The following DSG4 variants were observed in gnomAD, a reference collection of about 807,000 sequenced individuals.
The protein encoded by DSG4 is desmoglein-4.
DSG4 carries 87 observed loss-of-function variants against 93.1 expected under a neutral mutation model. That is an observed-to-expected ratio of 0.93 (90% CI 0.79 to 1.12). DSG4 has a LOEUF of 1.12. Ranked by LOEUF, DSG4 falls within the 50% of genes most tolerant of loss-of-function variation. The pLI, the probability that DSG4 is intolerant of heterozygous loss-of-function variation, is 0.00. For missense variants in DSG4, 1,373 were observed against 1,285.7 expected (o/e 1.07, Z -1.04); for synonymous variants, 432 against 452.9 (o/e 0.95, Z 0.59).
rs371706500 is a variant in DSG4 at position 31,391,298 on chromosome 18, G to A, written c.819+86G>A. On this transcript the variant is annotated intron_variant, in intron 7 of 15. Coordinates refer to ENST00000308128, the MANE Select transcript of DSG4 (RefSeq NM_177986.5). ...TCAATAATCAATCATGCTGGCTCAT[G>A]AGCCTGGTTCTGTCCTATGTGTGGA... is the stretch of plus-strand genomic sequence containing the variant. The A allele has an allele frequency of 2.1e-5, 33 of 1,584,232 alleles. No homozygotes were observed. In the African/African-American group the frequency reaches 2.2e-4, roughly 10 times the overall value.
chr18:31,403,320 G>A, intron 10 of DSG4, 96 bp from the exon 11 acceptor site: 1 of 1,057,262 alleles, frequency 9.5e-7, no homozygotes, highest in Non-Finnish European at 1.4e-6. Context: ...TCACGTATAT[G>A]TTTCCTACAA....
chr18:31,381,297 A>G (rs2072131909), intron 1 of DSG4, among the ~76,000 whole-genome samples: 1 of 152,278 alleles, frequency 6.6e-6, no homozygotes, highest in African/African-American at 2.4e-5. Context: ...TTGCCATTCC[A>G]ACACCTGACA....
chr18:31,384,227 T>C (rs964876807), intron 1 of DSG4, among the ~76,000 whole-genome samples: 8 of 152,210 alleles, frequency 5.3e-5, no homozygotes, highest in Admixed American at 2.6e-4. Context: ...AATAAAGTTT[T>C]ACTTTTCATA....
intron 8 of DSG4, among the ~76,000 whole-genome samples, chr18:31,395,623 A>G (rs2072297343): frequency 6.6e-6 from 1 of 152,164 alleles, no homozygotes; most frequent in African/African-American, 2.4e-5. Flanking sequence ...CTCCATTTTC[A>G]TTCGGGATAC....
chr18:31,377,035 A>T (rs947500594), intron 1 of DSG4, 76 bp downstream of exon 1: 18 of 1,472,838 alleles, frequency 1.2e-5, no homozygotes, highest in Non-Finnish European at 1.7e-5. Context: ...GGCTTTCTAC[A>T]TGGGATTTAT....
chr18:31,377,073 A>G (rs1053458985), intron 1 of DSG4, 114 bp downstream of exon 1: 34 of 1,173,012 alleles, frequency 2.9e-5, no homozygotes, highest in Non-Finnish European at 4.0e-5. Context: ...TCCTGCAAAG[A>G]GAGTTCTAGA....
intron 14 of DSG4, 32 bp downstream of exon 14, chr18:31,409,840 T>C: frequency 1.2e-6 from 2 of 1,613,084 alleles, no homozygotes; most frequent in South Asian, 1.1e-5. Flanking sequence ...TTTTTCCTTT[T>C]AAATTTTTCA....
chr18:31,395,215 G>T (rs1005351730), intron 8 of DSG4, among the ~76,000 whole-genome samples: 5 of 150,952 alleles, frequency 3.3e-5, no homozygotes, highest in Non-Finnish European at 7.4e-5. Context: ...TGTACTATCT[G>T]ACTTATGTAA....
chr18:31,406,197 C>T lies in DSG4; in HGVS notation c.1757C>T (p.Ala586Val). ...TTGGCACAAATGGTGCAGTTATATG[C>T]CTGTGATTGCGATGACAACCACATG... ...CELAQMVQLY[A>V]CDCDDNHMCL... The change falls in exon 12 of 16, where the codon GCC (alanine) becomes GTC (valine). Residue 586 changes from alanine to valine, a missense_variant. Coordinates refer to ENST00000308128, the MANE Select transcript of DSG4 (RefSeq NM_177986.5). 3 of 1,614,120 alleles carry T rather than the reference C, an allele frequency of 1.9e-6. 1 individual carries two copies. Among genetic ancestry groups the T allele is most frequent in the Non-Finnish European group, 2.5e-6 (3 of 1,180,034 alleles).
At chr18:31,392,881 C>A (rs781625961) in intron 8 of DSG4, among the ~76,000 whole-genome samples, 13 of 152,252 alleles carry the variant, frequency 8.5e-5, no homozygotes, top group Middle Eastern at 3.4e-3. Flanking sequence ...CCCCGTGGGG[C>A]TGTAGTGGGG....
At position 31,407,140 on chromosome 18, in the gene DSG4, C is replaced by CA. The variant is rs369129103; in HGVS notation, c.1933+776dup. Among the ~76,000 whole-genome samples the CA allele has an allele frequency of 1.1e-3, 169 of 150,374 alleles. 3 individuals carry two copies. The East Asian group carries it at 0.023, about 21-fold the overall frequency. On this transcript the variant is annotated intron_variant, in intron 12 of 15. Coordinates refer to ENST00000308128, the MANE Select transcript of DSG4 (RefSeq NM_177986.5). ...TGAAAGGTAATCAAACACACACACACAAAAAAAAACCACACACACAAACAA... is the reference window on the plus strand; with the variant it reads ...TGAAAGGTAATCAAACACACACACACAAAAAAAAAACCACACACACAAACAA...
intron 4 of DSG4, 146 bp from the exon 5 acceptor site, chr18:31,388,728 C>T: frequency 1.5e-6 from 2 of 1,346,188 alleles, no homozygotes; most frequent in East Asian, 2.3e-5. Flanking sequence ...AGTCAAGTGT[C>T]CTGATCATAT....
Position 31,399,628 on chromosome 18 carries a change from C to T in DSG4, c.1277+85C>T, listed in dbSNP as rs78725993. 1,554 of 1,558,206 alleles carry T rather than the reference C, an allele frequency of 1.0e-3. 22 individuals carry two copies. The East Asian group carries it at 0.031, about 31-fold the overall frequency. On this transcript the variant is annotated intron_variant, in intron 9 of 15. Coordinates refer to ENST00000308128, the MANE Select transcript of DSG4 (RefSeq NM_177986.5). Reference sequence around the variant, plus strand: ...GCGCTAATATATGTTGGTTGTAATACTTTTGGAGGGCTTTTTTGCTTTTAT... The same window carrying T: ...GCGCTAATATATGTTGGTTGTAATATTTTTGGAGGGCTTTTTTGCTTTTAT...
Position 31,403,403 on chromosome 18 carries a change from C to T in DSG4, c.1418-13C>T. 5 of 1,605,088 alleles carry T rather than the reference C, an allele frequency of 3.1e-6. No homozygotes were observed. The highest frequency in any genetic ancestry group is 1.3e-5 in the African/African-American group (1 of 74,860). On this transcript the variant is annotated splice_polypyrimidine_tract_variant and intron_variant, in intron 10 of 15. Coordinates refer to ENST00000308128, the MANE Select transcript of DSG4 (RefSeq NM_177986.5). ...ACCATTTACCTCAACACCAATGACC[C>T]TTACTCTTTCAGATGGCTCTGGAAA...
intron 11 of DSG4, 67 bp downstream of exon 11, chr18:31,403,701 G>T: frequency 6.9e-7 from 1 of 1,441,392 alleles, no homozygotes; most frequent in South Asian, 1.2e-5. Context: ...CAAAAAATGT[G>T]GCAAGTCACT....
At position 31,413,567 on chromosome 18, in the gene DSG4, A is replaced by G; in HGVS notation, c.3095A>G (p.Tyr1032Cys). The G allele has an allele frequency of 6.2e-7, 1 of 1,614,020 alleles. No individual in the cohort carries two copies. Among genetic ancestry groups the G allele is most frequent in the Non-Finnish European group, 8.5e-7 (1 of 1,180,014 alleles). ...PMTSRHRVTR[Y>C]SNIHYTQQ ...ACATCTCGACACAGAGTAACACGATACAGTAACATACATTACACCCAACAG... is the reference window on the plus strand; with the variant it reads ...ACATCTCGACACAGAGTAACACGATGCAGTAACATACATTACACCCAACAG... Residue 1032 changes from tyrosine to cysteine, a missense_variant, in exon 16 of 16, where the codon TAC becomes TGC. Physicochemically the swap from Tyr to Cys is radical, Grantham distance 194 (BLOSUM62 -2). Transcript: ENST00000308128.
At chr18:31,388,064 C>T (rs1036902203) in intron 3 of DSG4, among the ~76,000 whole-genome samples, 2 of 152,028 alleles carry the variant, frequency 1.3e-5, no homozygotes, top group African/African-American at 2.4e-5. Context: ...GCTATTTCTG[C>T]GTATGCTAAA....
chr18:31,379,187 G>A (rs536573792), intron 1 of DSG4, among the ~76,000 whole-genome samples: 6 of 152,150 alleles, frequency 3.9e-5, no homozygotes, highest in Non-Finnish European at 4.4e-5. Context: ...ACAGTGAATC[G>A]AGATTCAGAA....
chr18:31,409,924 A>G (rs1325687703), intron 14 of DSG4, 116 bp downstream of exon 14: 2 of 1,188,548 alleles, frequency 1.7e-6, no homozygotes, highest in African/African-American at 3.1e-5. Context: ...GGGTGACAGT[A>G]TAATTAGAGG....
Sources: gnomAD v4.1 joint callset for allele counts (sites outside exome capture counted in the v4.1 genomes callset) on GRCh38, gnomAD v4.1.1 for gene constraint, MANE v1.5 for transcripts, NCBI Gene and HGNC (gene_info 2026-07-23, HGNC 2026-07-21) for gene names.